Variants in PRH1 observed in about 807,000 individuals in gnomAD.
The protein encoded by PRH1 is proline rich protein HaeIII subfamily 1, also known as salivary acidic proline-rich phosphoprotein 1/2.
A neutral mutation model predicts 7.9 loss-of-function variants in PRH1; 7 were observed. The observed-to-expected ratio is 0.89, with a 90% CI of 0.50 to 1.67. The LOEUF (loss-of-function observed/expected upper bound fraction) is 1.67, where lower values mean the gene tolerates loss of function less well. Ranked by LOEUF, PRH1 falls within the 40% of genes most tolerant of loss-of-function variation. The pLI is 0.00. For missense variants in PRH1, 109 were observed against 223.6 expected (o/e 0.49, Z 3.27); for synonymous variants, 45 against 80.8 (o/e 0.56, Z 2.38).
At chr12:11,128,015 G>A in intron 1 of PRH1, among the ~76,000 whole-genome samples, 1 of 149,164 alleles carries the variant, frequency 6.7e-6, no homozygotes, top group East Asian at 2.0e-4. Context: ...GGAGGCTGAG[G>A]CCAGAGAATG....
In PRH1 at chr12:11,008,824, T is replaced by G. The variant is rs891918022; in HGVS notation, c.-125-35103A>C. On this transcript the variant is annotated intron_variant, in intron 1 of 3. Coordinates refer to the PRH1 transcript ENST00000539853. ...TATGAACTATTATGAATAATGCTAC[T>G]ATGAGCATTCTTTCATATACATTTG... Among the ~76,000 whole-genome samples, 18 of 152,052 alleles carry G rather than the reference T, an allele frequency of 1.2e-4. No homozygotes were observed. The South Asian group carries it at 1.2e-3, about 10-fold the overall frequency.
chr12:11,139,904 ATAAG>A (rs1375918112), intron 1 of PRH1, among the ~76,000 whole-genome samples: 1 of 152,116 alleles, frequency 6.6e-6, no homozygotes, highest in East Asian at 1.9e-4. Flanking sequence ...CCTTTCCAAA[ATAAG>A]TAACGTAAGA....
chr12:10,973,876 T>C (rs886341255), intron 1 of PRH1, among the ~76,000 whole-genome samples: 4 of 152,234 alleles, frequency 2.6e-5, no homozygotes, highest in African/African-American at 9.6e-5. Flanking sequence ...TATCAAATTC[T>C]GGCGGGCTTT....
chr12:11,033,236 G>A (rs1057367415), intron 1 of PRH1, among the ~76,000 whole-genome samples: 3 of 152,056 alleles, frequency 2.0e-5, no homozygotes, highest in East Asian at 1.9e-4. Flanking sequence ...GCATGGTGGT[G>A]TGCACCTGTA....
At chr12:11,152,248 A>G (rs1195789990) in intron 1 of PRH1, among the ~76,000 whole-genome samples, 3 of 92,738 alleles carry the variant, frequency 3.2e-5, no homozygotes. Context: ...CCACCCCACA[A>G]CAGGCCCCGG....
chr12:11,022,515 A>T, intron 1 of PRH1: 1 of 1,613,780 alleles, frequency 6.2e-7, no homozygotes, highest in Non-Finnish European at 8.5e-7. Flanking sequence ...CAACATTTCC[A>T]AGAACAAATG....
rs66633867 is a variant in PRH1, at chr12:11,057,005, CTTTT to C, written n.124-9821_124-9818del. On this transcript the variant is annotated intron_variant and non_coding_transcript_variant, in intron 1 of 4. Transcript: ENST00000541977. ...TTTAAGACACCAGTAAGAACTTTCA[CTTTT>C]TTTTTTTTTTCTTCTTAGACAGAGT... Among the ~76,000 whole-genome samples the C allele has an allele frequency of 6.8e-5, 10 of 146,094 alleles. No individual in the cohort carries two copies. The South Asian group carries it at 1.8e-3, about 26-fold the overall frequency.
At chr12:11,041,259 G>A (rs1942694956) in intron 1 of PRH1, among the ~76,000 whole-genome samples, 2 of 113,262 alleles carry the variant, frequency 1.8e-5, no homozygotes, top group South Asian at 5.3e-4. Context: ...ATAAAGGGAT[G>A]GAAAAAGATA....
At chr12:11,144,318 G>C (rs61931270) in intron 1 of PRH1, among the ~76,000 whole-genome samples, 1 of 151,568 alleles carries the variant, frequency 6.6e-6, no homozygotes. Flanking sequence ...TTGGGTACCT[G>C]GGAGGATTAT....
At chr12:10,944,259 G>A (rs1372308985) in intron 2 of PRH1, among the ~76,000 whole-genome samples, 1 of 152,034 alleles carries the variant, frequency 6.6e-6, no homozygotes, top group Non-Finnish European at 1.5e-5. Flanking sequence ...TTTTTGGGAA[G>A]TTTTTTTATA....
intron 1 of PRH1, among the ~76,000 whole-genome samples, chr12:11,112,833 T>G (rs1419066680): frequency 6.6e-6 from 1 of 152,098 alleles, no homozygotes; most frequent in Non-Finnish European, 1.5e-5. Context: ...TAAAGGGTAT[T>G]CAAATAGAAA....
At chr12:11,066,757 A>G (rs543372920) in intron 1 of PRH1, among the ~76,000 whole-genome samples, 1 of 151,822 alleles carries the variant, frequency 6.6e-6, no homozygotes, top group South Asian at 2.1e-4. Flanking sequence ...GAACCCTACT[A>G]TTCTTCCTCA....
intron 1 of PRH1, among the ~76,000 whole-genome samples, chr12:11,140,005 T>A (rs771947523): frequency 7.9e-5 from 12 of 152,088 alleles, no homozygotes; most frequent in Non-Finnish European, 1.8e-4. Context: ...AATGTATTTT[T>A]ACTTCAATAA....
chr12:11,119,239 G>C (rs1019935592), downstream of PRH1, among the ~76,000 whole-genome samples: 1 of 151,938 alleles, frequency 6.6e-6, no homozygotes, highest in Non-Finnish European at 1.5e-5. Flanking sequence ...CGTGGACATA[G>C]AGAGTACATA....
intron 2 of PRH1, among the ~76,000 whole-genome samples, chr12:10,971,720 T>C (rs1341327387): frequency 1.3e-5 from 2 of 152,110 alleles, no homozygotes; most frequent in East Asian, 3.8e-4. Context: ...CTTCTTGTTC[T>C]TTTCAAAATG....
intron 2 of PRH1, among the ~76,000 whole-genome samples, chr12:10,969,901 GC>G (rs1300151281): frequency 6.6e-6 from 1 of 152,104 alleles, no homozygotes; most frequent in Admixed American, 6.5e-5. Flanking sequence ...CCAGGTTCAA[GC>G]AATTCTCCTT....
chr12:11,112,775 A>G (rs1234605310), intron 1 of PRH1, among the ~76,000 whole-genome samples: 1 of 152,238 alleles, frequency 6.6e-6, no homozygotes, highest in Non-Finnish European at 1.5e-5. Context: ...ACTCCTGTTC[A>G]ACATAGTATT....
chr12:11,040,075 T>C (rs1942643081), intron 1 of PRH1, among the ~76,000 whole-genome samples: 1 of 152,244 alleles, frequency 6.6e-6, no homozygotes, highest in Non-Finnish European at 1.5e-5. Flanking sequence ...ACTCAGCAAT[T>C]GTGTAACTAT....
At chr12:10,994,236 G>C (rs904646427) in intron 1 of PRH1, among the ~76,000 whole-genome samples, 1 of 152,190 alleles carries the variant, frequency 6.6e-6, no homozygotes, top group Non-Finnish European at 1.5e-5. Context: ...TTGTGGGCAT[G>C]AGGTCTGACT....
Sources: allele counts gnomAD v4.1 joint callset (sites outside exome capture counted in the v4.1 genomes callset), GRCh38; gene constraint gnomAD v4.1.1; transcripts MANE v1.5; gene names NCBI Gene and HGNC (gene_info 2026-07-23, HGNC 2026-07-21).